The following REV3L variants were observed in gnomAD, a reference collection of about 807,000 sequenced individuals.
REV3L encodes the protein DNA polymerase zeta catalytic subunit.
REV3L carries 69 observed loss-of-function variants against 299.4 expected under a neutral mutation model. That is an observed-to-expected ratio of 0.23 (90% CI 0.19 to 0.28). The LOEUF (loss-of-function observed/expected upper bound fraction) is 0.28. Ranked by LOEUF, REV3L falls within the 10% of genes least tolerant of loss-of-function variation. The pLI, the probability that REV3L is intolerant of heterozygous loss-of-function variation, is 1.00. For missense variants in REV3L, 3,128 were observed against 3,693.8 expected (o/e 0.85, Z 3.97); for synonymous variants, 1,238 against 1,271.4 (o/e 0.97, Z 0.56).
chr6:111,318,419 T>G (rs1295399901), intron 26 of REV3L, among the ~76,000 whole-genome samples: 1 of 152,036 alleles, frequency 6.6e-6, no homozygotes, highest in Non-Finnish European at 1.5e-5. Context: ...GGTGTGACCG[T>G]GCCCGGCCAG....
intron 1 of REV3L, among the ~76,000 whole-genome samples, chr6:111,424,652 C>T (rs1458060459): frequency 6.6e-6 from 1 of 152,192 alleles, no homozygotes; most frequent in Non-Finnish European, 1.5e-5. Flanking sequence ...AGCCGGAACC[C>T]ATTTGGAGCT....
chr6:111,408,630 A>T (rs1783902901), intron 3 of REV3L, among the ~76,000 whole-genome samples: 1 of 151,792 alleles, frequency 6.6e-6, no homozygotes, highest in African/African-American at 2.4e-5. Flanking sequence ...AACAAAACAA[A>T]ACAAAACAAA....
At chr6:111,382,011 T>A (rs545914474) in intron 9 of REV3L, among the ~76,000 whole-genome samples, 127 of 152,206 alleles carry the variant, frequency 8.3e-4, no homozygotes, top group Non-Finnish European at 1.5e-3. Flanking sequence ...TTGCCATAAC[T>A]GGGCAGAAAT....
chr6:111,445,510 T>C (rs767756732), intron 1 of REV3L, among the ~76,000 whole-genome samples: 6 of 152,240 alleles, frequency 3.9e-5, no homozygotes, highest in Admixed American at 1.3e-4. Flanking sequence ...TTTCTGGTTA[T>C]TCTAAATAAA....
chr6:111,344,154 A>G lies in REV3L; in HGVS notation c.7420-111T>C, dbSNP rs1000581286. 3 of 646,124 alleles carry G rather than the reference A, an allele frequency of 4.6e-6. No individual in the cohort carries two copies. In the Admixed American group the frequency reaches 9.1e-5, roughly 20 times the overall value. The allele number at this position is 646,124 out of a possible 1,614,324, so 40.0% of individuals were successfully genotyped here. On this transcript the variant is annotated intron_variant, in intron 20 of 31. Coordinates refer to ENST00000368802, the MANE Select transcript of REV3L (RefSeq NM_001372078.1). ...ACTTTTCATAGTAGATATTAAAGCT[A>G]CTTGTAAAACTGATGTGCAGTACAA...
At position 111,367,134 on chromosome 6, in the gene REV3L, G is replaced by A; in HGVS notation, c.6654C>T (p.Gly2218=). The part of the protein sequence containing the change: ...KLLERLPEAP[G]LSPLSTEPKT... ...ACTTACCTGTTGATAATGGGCTAAG[G>A]CCAGGTGCTTCAGGAAGCCTTTCCA... Residue 2218 remains glycine, a synonymous_variant, in exon 14 of 32, where the codon GGC becomes GGT. Transcript: ENST00000368802. The A allele has an allele frequency of 6.2e-7, 1 of 1,601,190 alleles. No individual in the cohort carries two copies. The highest frequency in any genetic ancestry group is 1.1e-5 in the South Asian group (1 of 88,452).
chr6:111,322,588 C>T lies in REV3L; in HGVS notation c.8332G>A (p.Val2778Ile), dbSNP rs930658052. The T allele has an allele frequency of 1.2e-6, 2 of 1,613,982 alleles. No homozygotes were observed. Among genetic ancestry groups the T allele is most frequent in the Non-Finnish European group, 1.7e-6 (2 of 1,179,886 alleles). Residue 2778 changes from valine (V) to isoleucine (I), a missense_variant, in exon 26 of 32, where the codon GTA becomes ATA. Coordinates refer to ENST00000368802, the MANE Select transcript of REV3L (RefSeq NM_001372078.1). ...CATTACCTGTCAGTATCGCCATATACAACCCTAGCCCCCCATTTCTTGGTA... is the reference window on the plus strand; with the variant it reads ...CATTACCTGTCAGTATCGCCATATATAACCCTAGCCCCCCATTTCTTGGTA... ...NDTKKWGARV[V>I]YGDTDSMFVL...
intron 24 of REV3L, chr6:111,330,129 A>G (rs538263510): frequency 6.4e-5 from 22 of 343,926 alleles, no homozygotes; most frequent in Admixed American, 1.5e-4. Context: ...CTCAGTTTTT[A>G]AAGATCTCAT....
At chr6:111,448,604 C>T (rs1421550088) in intron 1 of REV3L, among the ~76,000 whole-genome samples, 1 of 151,798 alleles carries the variant, frequency 6.6e-6, no homozygotes, top group Non-Finnish European at 1.5e-5. Flanking sequence ...GGATTACAGG[C>T]GTGAGCCACT....
intron 20 of REV3L, among the ~76,000 whole-genome samples, chr6:111,346,617 G>A (rs1041623191): frequency 6.6e-6 from 1 of 152,104 alleles, no homozygotes; most frequent in East Asian, 1.9e-4. Context: ...CTGAGTAGCT[G>A]GGACTATATG....
At chr6:111,332,674 T>C (rs459403) in intron 23 of REV3L, among the ~76,000 whole-genome samples, 60,633 of 152,078 alleles carry the variant, frequency 0.4, 14,627 homozygotes, top group Non-Finnish European at 0.54. Flanking sequence ...AAAATGTTAT[T>C]ATCAGTTTAT....
intron 1 of REV3L, among the ~76,000 whole-genome samples, chr6:111,480,418 A>G (rs1793474594): frequency 6.6e-6 from 1 of 152,170 alleles, no homozygotes; most frequent in South Asian, 2.1e-4. Context: ...TCTCTTTTAT[A>G]TTAATAATTT....
intron 1 of REV3L, among the ~76,000 whole-genome samples, chr6:111,463,405 A>G (rs989377715): frequency 1.3e-5 from 2 of 152,212 alleles, no homozygotes; most frequent in African/African-American, 4.8e-5. Flanking sequence ...TAAGCTAAAC[A>G]ACTATTAATA....
Position 111,482,999 on chromosome 6 carries a change from G to T in REV3L, c.-111C>A. ...GGCGCCCCCTCCCCTTCTCGGCACGGCCCCCTCCCCTCACACAGAGGCACC... is the reference window on the plus strand; with the variant it reads ...GGCGCCCCCTCCCCTTCTCGGCACGTCCCCCTCCCCTCACACAGAGGCACC... On this transcript the variant is annotated 5_prime_UTR_variant, in exon 1 of 32. Coordinates refer to ENST00000368802, the MANE Select transcript of REV3L (RefSeq NM_001372078.1). 7.8e-7 allele frequency: 1 copy of T among 1,284,306 alleles called. No individual in the cohort carries two copies. Among genetic ancestry groups the T allele is most frequent in the Non-Finnish European group, 1.0e-6 (1 of 988,248 alleles). 79.6% of individuals were successfully genotyped at this position (1,284,306 alleles called of 1,614,324 possible).
chr6:111,372,902 A>G lies in REV3L; in HGVS notation c.5453T>C (p.Phe1818Ser). Residue 1818 changes from phenylalanine to serine, a missense_variant, in exon 13 of 32, where the codon TTT (phenylalanine) becomes TCT (serine). Coordinates refer to ENST00000368802, the MANE Select transcript of REV3L (RefSeq NM_001372078.1). ...ATCAGGGGAGGAGAGTATTGCAGTA[A>G]AAGAGGTATTGGCTGAGTCAAGAGA... ...GQSLDSANTS[F>S]TAILSSPDGE... 1 of 1,614,106 alleles carries G rather than the reference A, an allele frequency of 6.2e-7. No homozygotes were observed.
intron 1 of REV3L, among the ~76,000 whole-genome samples, chr6:111,481,412 C>A (rs1234569350): frequency 6.6e-6 from 1 of 152,216 alleles, no homozygotes; most frequent in African/African-American, 2.4e-5. Flanking sequence ...ACGTTAAAAG[C>A]ACTCAAATTC....
chr6:111,464,164 T>C (rs1200005732), intron 1 of REV3L, among the ~76,000 whole-genome samples: 1 of 151,992 alleles, frequency 6.6e-6, no homozygotes, highest in Admixed American at 6.6e-5. Flanking sequence ...TTAGTTCCCA[T>C]ATACCAGCGA....
chr6:111,311,257 T>C lies in REV3L; in HGVS notation c.8607A>G (p.Ile2869Met), dbSNP rs1772946735. Residue 2869 changes from isoleucine (I) to methionine (M), a missense_variant and splice_region_variant, in exon 29 of 32, where the codon ATA becomes ATG. Ile to Met is a conservative substitution (Grantham distance 10). Around this residue, in one of 9 missense-constraint regions of REV3L, gnomAD observed 294 missense variants for 377.0 expected, o/e 0.78. Coordinates refer to ENST00000368802, the MANE Select transcript of REV3L (RefSeq NM_001372078.1). The part of the protein sequence containing the change: ...RRDSCPAVSK[I>M]LERSLKLLFE... ...ATAGCAGCTTTAGAGAACGCTCAAG[T>C]ATCTTAAAACAAAAAAGATATGCAA... The C allele has an allele frequency of 6.3e-7, 1 of 1,597,272 alleles. No individual in the cohort carries two copies. Among genetic ancestry groups the C allele is most frequent in the African/African-American group, 1.3e-5 (1 of 74,178 alleles).
At chr6:111,319,003 G>A (rs752946370) in intron 26 of REV3L, among the ~76,000 whole-genome samples, 8 of 152,184 alleles carry the variant, frequency 5.3e-5, no homozygotes, top group Non-Finnish European at 1.0e-4. Context: ...GGGAGAATAA[G>A]ATAACTTTTT....
Sources: allele counts gnomAD v4.1 joint callset (sites outside exome capture counted in the v4.1 genomes callset), GRCh38; gene constraint gnomAD v4.1.1; regional missense constraint gnomAD v4.1.1; transcripts MANE v1.5; gene names NCBI Gene and HGNC (gene_info 2026-07-23, HGNC 2026-07-21).